Variants in ATP13A4 observed in about 807,000 individuals in gnomAD.
ATP13A4 encodes probable cation-transporting ATPase 13A4.
A neutral mutation model predicts 142.5 loss-of-function variants in ATP13A4; 114 were observed. That is an observed-to-expected ratio of 0.80 (90% CI 0.69 to 0.93). The LOEUF is 0.93. ATP13A4 is among the 40% of genes least tolerant of loss of function. The pLI is 0.00. For missense variants in ATP13A4, 1,392 were observed against 1,454.0 expected (o/e 0.96, Z 0.69); for synonymous variants, 488 against 514.8 (o/e 0.95, Z 0.70).
At chr3:193,434,419 A>G (rs956736844) in intron 24 of ATP13A4, among the ~76,000 whole-genome samples, 4 of 152,202 alleles carry the variant, frequency 2.6e-5, no homozygotes, top group Non-Finnish European at 5.9e-5. Context: ...AGTCTAGAGG[A>G]AAAAGTGCTA....
chr3:193,525,877 G>A (rs1365697521), intron 1 of ATP13A4, among the ~76,000 whole-genome samples: 1 of 152,230 alleles, frequency 6.6e-6, no homozygotes, highest in East Asian at 1.9e-4. Context: ...TGTTGAGCTA[G>A]TCTGGAATCT....
intron 16 of ATP13A4, among the ~76,000 whole-genome samples, chr3:193,455,078 C>T (rs563209470): frequency 1.2e-4 from 18 of 151,976 alleles, no homozygotes; most frequent in African/African-American, 3.4e-4. Flanking sequence ...GTGGCTCAAG[C>T]CTGTAATCCC....
At chr3:193,498,958 T>A (rs1720393278) in intron 3 of ATP13A4, among the ~76,000 whole-genome samples, 1 of 152,194 alleles carries the variant, frequency 6.6e-6, no homozygotes, top group Non-Finnish European at 1.5e-5. Context: ...AATAAATGAA[T>A]GAAAGCTTTG....
chr3:193,554,117 G>T (rs1409467768), intron 1 of ATP13A4, among the ~76,000 whole-genome samples: 1 of 152,174 alleles, frequency 6.6e-6, no homozygotes, highest in East Asian at 1.9e-4. Flanking sequence ...TCTCAAGATA[G>T]AAGCACATCT....
At chr3:193,407,443 G>T in intron 28 of ATP13A4, 50 bp from the exon 29 acceptor site, 4 of 1,407,040 alleles carry the variant, frequency 2.8e-6, no homozygotes, top group Non-Finnish European at 4.0e-6. Flanking sequence ...GCAGATGCTG[G>T]AAACATGCTC....
intron 29 of ATP13A4, chr3:193,404,043 T>A: frequency 1.0e-6 from 1 of 985,452 alleles, no homozygotes; most frequent in Non-Finnish European, 1.2e-6. Context: ...GCTGCGGGGC[T>A]GTTAAAGATC....
Position 193,448,193 on chromosome 3 carries a change from C to T in ATP13A4, c.2152+13G>A, listed in dbSNP as rs368605255. On this transcript the variant is annotated intron_variant, in intron 18 of 29. Transcript: ENST00000342695. ...AAATTCTTACTGTTTTCACTGTATA[C>T]TTTGTTTCATACCTGTGATCATTAC... is the stretch of plus-strand genomic sequence containing the variant. 3.7e-6 allele frequency: 6 copies of T among 1,613,690 alleles called. No individual in the cohort carries two copies. The highest frequency in any genetic ancestry group is 4.2e-6 in the Non-Finnish European group (5 of 1,179,860).
At chr3:193,425,979 C>T (rs1242021881) in intron 25 of ATP13A4, among the ~76,000 whole-genome samples, 3 of 151,492 alleles carry the variant, frequency 2.0e-5, no homozygotes, top group Non-Finnish European at 4.4e-5. Context: ...CACATTGTAC[C>T]TCATAAATAT....
intron 23 of ATP13A4, among the ~76,000 whole-genome samples, chr3:193,436,826 C>T (rs1416287476): frequency 7.2e-6 from 1 of 138,686 alleles, no homozygotes; most frequent in South Asian, 2.3e-4. Flanking sequence ...TCCCCGGGGC[C>T]GGGCGCGGTG....
intron 25 of ATP13A4, among the ~76,000 whole-genome samples, chr3:193,428,379 G>A (rs892173851): frequency 6.6e-6 from 1 of 152,150 alleles, no homozygotes; most frequent in Non-Finnish European, 1.5e-5. Context: ...GGAAGACAGT[G>A]TGGTGATTCC....
chr3:193,506,612 C>T (rs190671401), intron 2 of ATP13A4, among the ~76,000 whole-genome samples: 150 of 152,246 alleles, frequency 9.9e-4, no homozygotes, highest in Middle Eastern at 6.8e-3. Context: ...GTGTCCCCAT[C>T]CAAATCTCCT....
At chr3:193,501,923 A>C (rs1720566279) in intron 3 of ATP13A4, among the ~76,000 whole-genome samples, 1 of 152,184 alleles carries the variant, frequency 6.6e-6, no homozygotes, top group Non-Finnish European at 1.5e-5. Context: ...CTATAAGATT[A>C]ACCCTGTTAC....
At chr3:193,470,009 G>T (rs935137894) in intron 9 of ATP13A4, among the ~76,000 whole-genome samples, 4 of 152,288 alleles carry the variant, frequency 2.6e-5, no homozygotes, top group African/African-American at 9.6e-5. Context: ...TAGGAAGAAG[G>T]TGTGTACACT....
At chr3:193,452,754 CTAT>C (rs1211923037) in intron 17 of ATP13A4, among the ~76,000 whole-genome samples, 5 of 145,250 alleles carry the variant, frequency 3.4e-5, no homozygotes, top group East Asian at 2.0e-4. Context: ...ATATATTTTA[CTAT>C]TATTATAGAA....
At chr3:193,563,701 C>T (rs768933863) in intron 2 of ATP13A4, among the ~76,000 whole-genome samples, 2 of 152,170 alleles carry the variant, frequency 1.3e-5, no homozygotes, top group African/African-American at 4.8e-5. Flanking sequence ...CGAATATATA[C>T]CTAAAATGTT....
chr3:193,566,133 T>C (rs919101859), intron 2 of ATP13A4, among the ~76,000 whole-genome samples: 6 of 152,198 alleles, frequency 3.9e-5, no homozygotes, highest in Non-Finnish European at 8.8e-5. Context: ...TCTTTCTCCC[T>C]AGATAATTCA....
intron 12 of ATP13A4, among the ~76,000 whole-genome samples, chr3:193,463,024 G>A (rs888748226): frequency 6.6e-6 from 1 of 151,112 alleles, no homozygotes; most frequent in South Asian, 2.1e-4. Context: ...CGAAGACTCC[G>A]TAGTGCAGAT....
chr3:193,544,162 T>G (rs536640811), intron 1 of ATP13A4, among the ~76,000 whole-genome samples: 1 of 152,174 alleles, frequency 6.6e-6, no homozygotes, highest in Middle Eastern at 3.2e-3. Flanking sequence ...TGGAATGAGA[T>G]AGTAACTGAC....
At chr3:193,536,755 G>C (rs1475973837) in intron 1 of ATP13A4, among the ~76,000 whole-genome samples, 1 of 151,984 alleles carries the variant, frequency 6.6e-6, no homozygotes, top group Admixed American at 6.6e-5. Context: ...TAGAATTAAT[G>C]AGTGATTTTA....
Sources: allele counts gnomAD v4.1 joint callset (sites outside exome capture counted in the v4.1 genomes callset), GRCh38; gene constraint gnomAD v4.1.1; transcripts MANE v1.5; gene names NCBI Gene and HGNC (gene_info 2026-07-23, HGNC 2026-07-21).